CDH23: variants seen among roughly 807,000 people sequenced by gnomAD.
CDH23 encodes the protein cadherin related 23.
CDH23 carries 189 observed loss-of-function variants against 317.1 expected under a neutral mutation model. The observed-to-expected ratio is 0.60, with a 90% CI of 0.53 to 0.67. The LOEUF (loss-of-function observed/expected upper bound fraction) is 0.67, where lower values mean the gene tolerates loss of function less well. Among genes scored for constraint, CDH23 ranks in the 30% least tolerant of loss-of-function variants. The pLI is 0.00. For synonymous variants in CDH23, 1,839 were observed against 1,876.8 expected, an observed-to-expected ratio of 0.98 and a Z score of 0.52; for missense variants, 4,401 against 4,592.4, an observed-to-expected ratio of 0.96 and a Z score of 1.20.
chr10:71,410,601 C>A (rs74144942), intron 1 of CDH23, among the ~76,000 whole-genome samples: 2,462 of 152,302 alleles, frequency 0.016, 69 homozygotes, highest in African/African-American at 0.056. Context: ...GGGCCATGCT[C>A]ATGTAACTGC....
At chr10:71,652,387 T>C (rs892884968) in intron 14 of CDH23, among the ~76,000 whole-genome samples, 1 of 152,224 alleles carries the variant, frequency 6.6e-6, no homozygotes, top group Admixed American at 6.5e-5. Flanking sequence ...AATGGGAAAG[T>C]AGTGCCTGCG....
intron 3 of CDH23, among the ~76,000 whole-genome samples, chr10:71,453,714 G>A (rs1190418008): frequency 6.6e-6 from 1 of 152,272 alleles, no homozygotes; most frequent in Admixed American, 6.5e-5. Context: ...CCAGAAGGTT[G>A]CTTAAGATTG....
intron 6 of CDH23, among the ~76,000 whole-genome samples, chr10:71,555,559 C>A (rs563434888): frequency 1.3e-5 from 2 of 152,320 alleles, no homozygotes; most frequent in African/African-American, 4.8e-5. Context: ...TGCTGGTCTG[C>A]AAGTGAGAAG....
chr10:71,732,381 G>T lies in CDH23; in HGVS notation c.4104+6G>T. 6.4e-7 allele frequency: 1 copy of T among 1,556,404 alleles called. No homozygotes were observed. Among genetic ancestry groups the T allele is most frequent in the Non-Finnish European group, 8.7e-7 (1 of 1,149,478 alleles). ...TCAAGATAGACGCCATCACGGTGAG[G>T]GGCTGGGGGCAGGGAGCACCATTTC... is the stretch of plus-strand genomic sequence containing the variant. On this transcript the variant is annotated splice_donor_region_variant and intron_variant, in intron 32 of 69. Coordinates refer to ENST00000224721, the MANE Select transcript of CDH23 (RefSeq NM_022124.6).
At chr10:71,563,091 T>G (rs2132347146) in intron 6 of CDH23, among the ~76,000 whole-genome samples, 1 of 152,218 alleles carries the variant, frequency 6.6e-6, no homozygotes, top group East Asian at 1.9e-4. Flanking sequence ...AGGCAGCTGT[T>G]GGTATCTCTT....
intron 6 of CDH23, among the ~76,000 whole-genome samples, chr10:71,519,129 T>A (rs1203667446): frequency 1.3e-5 from 2 of 152,204 alleles, no homozygotes; most frequent in African/African-American, 2.4e-5. Context: ...TCTATTGCAA[T>A]GATTGCGGGA....
rs905955371 is a variant in CDH23, at chr10:71,659,610, C to T, written c.1449+12993C>T. On this transcript the variant is annotated intron_variant, in intron 14 of 69. Coordinates refer to ENST00000224721, the MANE Select transcript of CDH23 (RefSeq NM_022124.6). ...TCATGACCCAGGACACATACTCACA[C>T]GGACACTTATCTCCAGCAAAGCAGT... Among the ~76,000 whole-genome samples, 5 of 152,186 alleles carry T rather than the reference C, an allele frequency of 3.3e-5. No homozygotes were observed. The South Asian group carries it at 6.2e-4, about 19-fold the overall frequency.
intron 3 of CDH23, among the ~76,000 whole-genome samples, chr10:71,500,351 G>A (rs941012639): frequency 1.2e-4 from 18 of 152,132 alleles, no homozygotes; most frequent in Middle Eastern, 3.2e-3. Context: ...GGTTTGTGTC[G>A]TCCGGCTCTG....
intron 6 of CDH23, among the ~76,000 whole-genome samples, chr10:71,552,473 G>T (rs1435503814): frequency 1.3e-5 from 2 of 152,232 alleles, no homozygotes; most frequent in Non-Finnish European, 2.9e-5. Context: ...GTTTTAACCT[G>T]TGCTTCATCT....
intron 9 of CDH23, among the ~76,000 whole-genome samples, chr10:71,590,891 A>AAAC (rs1859441739): frequency 7.0e-5 from 10 of 143,284 alleles, no homozygotes; most frequent in Admixed American, 4.1e-4. Context: ...AAAAAACAAA[A>AAAC]AAAAACAAAA....
chr10:71,799,238 C>T lies in CDH23; in HGVS notation c.7182C>T (p.Asp2394=). Residue 2394 remains aspartate (D), a synonymous_variant, in exon 51 of 70, where the codon GAC becomes GAT. Coordinates refer to ENST00000224721, the MANE Select transcript of CDH23 (RefSeq NM_022124.6). Reference sequence around the variant, plus strand: ...TCCCTGTCTACCTGGAAATCGTGGACATCAATGACAACAACCCCATCTTTG... The same window carrying T: ...TCCCTGTCTACCTGGAAATCGTGGATATCAATGACAACAACCCCATCTTTG... ...AEIPVYLEIV[D]INDNNPIFDQ... 6.2e-7 allele frequency: 1 copy of T among 1,614,072 alleles called. No homozygotes were observed. Among genetic ancestry groups the T allele is most frequent in the South Asian group, 1.1e-5 (1 of 91,088 alleles).
chr10:71,680,834 T>A (rs1383977376), intron 17 of CDH23, among the ~76,000 whole-genome samples: 2 of 138,250 alleles, frequency 1.4e-5, no homozygotes, highest in Non-Finnish European at 3.2e-5. Context: ...TTTTTCTTTT[T>A]TTTTTTTTTT....
chr10:71,550,684 C>T (rs1166660204), intron 6 of CDH23, among the ~76,000 whole-genome samples: 1 of 152,118 alleles, frequency 6.6e-6, no homozygotes, highest in Non-Finnish European at 1.5e-5. Context: ...GGCCCAAGTC[C>T]ACCCCAGGGC....
chr10:71,511,059 C>G, intron 5 of CDH23, 58 bp downstream of exon 5: 5 of 1,612,336 alleles, frequency 3.1e-6, no homozygotes, highest in Non-Finnish European at 4.2e-6. Flanking sequence ...TTTCTGGACC[C>G]CTAGGGTGGA....
intron 3 of CDH23, among the ~76,000 whole-genome samples, chr10:71,449,133 G>T (rs1564586997): frequency 1.3e-5 from 2 of 152,176 alleles, no homozygotes; most frequent in Non-Finnish European, 2.9e-5. Context: ...TAAAGGGAGA[G>T]CCCATGTGTG....
rs727504613 is a variant in CDH23, at chr10:71,446,387, C to T, written c.137C>T (p.Thr46Met). Reference protein sequence around the residue: ...FDTYLLISEDTPVGSSVTQLL... With the variant: ...FDTYLLISEDMPVGSSVTQLL... ...ACATACCTGCTGATCAGCGAGGACACGCCTGTGGGTGAGTGGGGGCATGGG... is the reference window on the plus strand; with the variant it reads ...ACATACCTGCTGATCAGCGAGGACATGCCTGTGGGTGAGTGGGGGCATGGG... Residue 46 changes from threonine (T) to methionine (M), a missense_variant, in exon 3 of 70, where the codon ACG becomes ATG. Around this residue, in one of 3 missense-constraint regions of CDH23, gnomAD observed 3,068 missense variants for 3,203.3 expected, o/e 0.96. Transcript: ENST00000224721. 22 of 1,613,874 alleles carry T rather than the reference C, an allele frequency of 1.4e-5. No homozygotes were observed. Among genetic ancestry groups the T allele is most frequent in the African/African-American group, 8.0e-5 (6 of 74,936 alleles).
At chr10:71,514,691 A>C (rs1008331117) in intron 6 of CDH23, among the ~76,000 whole-genome samples, 1 of 152,122 alleles carries the variant, frequency 6.6e-6, no homozygotes, top group African/African-American at 2.4e-5. Flanking sequence ...CCATTTTATC[A>C]GGGTGAAAGG....
chr10:71,729,666 G>A (rs1839289972), intron 30 of CDH23, among the ~76,000 whole-genome samples: 1 of 152,160 alleles, frequency 6.6e-6, no homozygotes, highest in African/African-American at 2.4e-5. Context: ...ACTGAGCACT[G>A]ACATTCTCTA....
intron 6 of CDH23, among the ~76,000 whole-genome samples, chr10:71,520,739 G>C (rs897012854): frequency 1.3e-5 from 2 of 152,192 alleles, no homozygotes; most frequent in Non-Finnish European, 2.9e-5. Flanking sequence ...CACTGCTATT[G>C]TTTTCCTGTT....
Sources: gnomAD v4.1 joint callset for allele counts (sites outside exome capture counted in the v4.1 genomes callset) on GRCh38, gnomAD v4.1.1 for gene constraint, gnomAD v4.1.1 regional missense constraint, MANE v1.5 for transcripts, NCBI Gene and HGNC (gene_info 2026-07-23, HGNC 2026-07-21) for gene names.